The following SLC25A12 variants were observed in gnomAD, a reference collection of about 807,000 sequenced individuals.
SLC25A12 encodes the protein electrogenic aspartate/glutamate antiporter SLC25A12, mitochondrial.
SLC25A12 carries 32 observed loss-of-function variants against 83.3 expected under a neutral mutation model. The ratio of observed to expected loss-of-function variants is 0.38; its 90% CI spans 0.29 to 0.52. SLC25A12 has a LOEUF of 0.52. Ranked by LOEUF, SLC25A12 falls within the 20% of genes least tolerant of loss-of-function variation. The pLI is 0.84. For synonymous variants in SLC25A12, 267 were observed against 291.1 expected, an observed-to-expected ratio of 0.92 and a Z score of 0.84; for missense variants, 611 against 835.6, an observed-to-expected ratio of 0.73 and a Z score of 3.31.
At chr2:171,823,943 C>CA (rs5836354) in intron 9 of SLC25A12, among the ~76,000 whole-genome samples, 35 of 142,144 alleles carry the variant, frequency 2.5e-4, no homozygotes, top group Non-Finnish European at 3.6e-4. Flanking sequence ...CCTGTCTCCA[C>CA]AAAAAAAAAA....
intron 2 of SLC25A12, among the ~76,000 whole-genome samples, chr2:171,881,932 GA>G (rs1423191095): frequency 6.6e-6 from 1 of 152,042 alleles, no homozygotes; most frequent in Non-Finnish European, 1.5e-5. Flanking sequence ...TTTTTCTGAA[GA>G]AAAAATGAGG....
intron 2 of SLC25A12, among the ~76,000 whole-genome samples, chr2:171,869,977 C>A (rs1256127403): frequency 6.6e-6 from 1 of 151,996 alleles, no homozygotes; most frequent in African/African-American, 2.4e-5. Flanking sequence ...GCTTTTTTTT[C>A]CCTCAGCACC....
intron 3 of SLC25A12, among the ~76,000 whole-genome samples, chr2:171,862,963 A>C (rs1685195809): frequency 6.6e-6 from 1 of 152,160 alleles, no homozygotes; most frequent in Admixed American, 6.5e-5. Context: ...GCAGTGGCTC[A>C]GTTATAGCTC....
chr2:171,805,843 A>AT, intron 13 of SLC25A12, among the ~76,000 whole-genome samples: 1 of 152,140 alleles, frequency 6.6e-6, no homozygotes, highest in South Asian at 2.1e-4. Flanking sequence ...CAGCCTGGTG[A>AT]CTCACACCTG....
chr2:171,876,675 G>GC (rs1239953990), intron 2 of SLC25A12, among the ~76,000 whole-genome samples: 2 of 151,566 alleles, frequency 1.3e-5, no homozygotes, highest in Non-Finnish European at 2.9e-5. Context: ...CCACTAGGTT[G>GC]CCCCCCCACA....
chr2:171,864,497 C>T (rs888099622), intron 3 of SLC25A12, among the ~76,000 whole-genome samples: 2 of 152,308 alleles, frequency 1.3e-5, no homozygotes, highest in African/African-American at 4.8e-5. Flanking sequence ...CAAAAGCCTT[C>T]AGCCACTCCA....
At chr2:171,816,461 C>T (rs1684052211) in intron 9 of SLC25A12, among the ~76,000 whole-genome samples, 1 of 152,146 alleles carries the variant, frequency 6.6e-6, no homozygotes, top group African/African-American at 2.4e-5. Flanking sequence ...AACCTATGCA[C>T]ATCCTCTTGT....
chr2:171,815,029 C>A, intron 10 of SLC25A12, 92 bp downstream of exon 10: 7 of 1,029,560 alleles, frequency 6.8e-6, no homozygotes, highest in Non-Finnish European at 1.1e-5. Context: ...CCCATGGGAA[C>A]AATGAACTGC....
intron 9 of SLC25A12, among the ~76,000 whole-genome samples, chr2:171,823,517 ATTAT>A (rs1034262189): frequency 6.6e-6 from 1 of 152,184 alleles, no homozygotes; most frequent in Non-Finnish European, 1.5e-5. Context: ...AATTCTAATA[ATTAT>A]TTATTATTTC....
intron 6 of SLC25A12, 91 bp downstream of exon 6, chr2:171,837,028 TGA>T: frequency 1.7e-6 from 2 of 1,202,716 alleles, no homozygotes; most frequent in Admixed American, 1.9e-5. Context: ...TTTGAATAGT[TGA>T]GAGTCATATG....
At chr2:171,837,784 C>T (rs558410334) in intron 5 of SLC25A12, among the ~76,000 whole-genome samples, 2 of 152,254 alleles carry the variant, frequency 1.3e-5, no homozygotes, top group East Asian at 1.9e-4. Flanking sequence ...CAAATAAACT[C>T]AGTGAGAAAC....
chr2:171,795,883 A>AAT (rs1683587143), intron 13 of SLC25A12, among the ~76,000 whole-genome samples: 1 of 151,724 alleles, frequency 6.6e-6, no homozygotes. Context: ...GTATACAAGT[A>AAT]ATAGGCTTTC....
At chr2:171,889,692 C>CTGCCA (rs761510805) in intron 2 of SLC25A12, among the ~76,000 whole-genome samples, 1 of 136,604 alleles carries the variant, frequency 7.3e-6, no homozygotes, top group Non-Finnish European at 1.6e-5. Context: ...TCTTAACACT[C>CTGCCA]TGCCATTATC....
At chr2:171,818,733 T>C (rs1217400289) in intron 9 of SLC25A12, among the ~76,000 whole-genome samples, 4 of 152,032 alleles carry the variant, frequency 2.6e-5, no homozygotes, top group South Asian at 4.2e-4. Context: ...GATGATGCAT[T>C]AGATAAGGCA....
At chr2:171,893,055 T>C in intron 2 of SLC25A12, 150 bp downstream of exon 2, 3 of 600,618 alleles carry the variant, frequency 5.0e-6, no homozygotes, top group South Asian at 2.5e-5. Context: ...AATCAAACCT[T>C]ATTAAGAGAA....
At chr2:171,795,590 T>C (rs949189638) in intron 13 of SLC25A12, among the ~76,000 whole-genome samples, 1 of 152,216 alleles carries the variant, frequency 6.6e-6, no homozygotes. Flanking sequence ...GATTTAAAAA[T>C]GAATAGAACC....
intron 8 of SLC25A12, 98 bp from the exon 9 acceptor site, chr2:171,826,980 T>C (rs1163073310): frequency 9.5e-6 from 7 of 734,348 alleles, no homozygotes; most frequent in Admixed American, 2.2e-5. Flanking sequence ...CAGTGAACTA[T>C]AGTTTAAAAT....
chr2:171,866,560 C>G (rs547489615), intron 3 of SLC25A12, among the ~76,000 whole-genome samples: 155 of 125,102 alleles, frequency 1.2e-3, no homozygotes, highest in African/African-American at 4.3e-3. Flanking sequence ...CCTCACCTCC[C>G]GAACCGGGCG....
chr2:171,861,325 T>C (rs1174794130), intron 3 of SLC25A12, among the ~76,000 whole-genome samples: 1 of 152,154 alleles, frequency 6.6e-6, no homozygotes, highest in Non-Finnish European at 1.5e-5. Flanking sequence ...ATATACTTAC[T>C]GCATTATAAT....
Sources: allele counts gnomAD v4.1 joint callset (sites outside exome capture counted in the v4.1 genomes callset), GRCh38; gene constraint gnomAD v4.1.1; transcripts MANE v1.5; gene names NCBI Gene and HGNC (gene_info 2026-07-23, HGNC 2026-07-21).